The following FMN1 variants were observed in gnomAD, a reference collection of about 807,000 sequenced individuals.
FMN1 encodes the protein formin-1.
FMN1 carries 110 observed loss-of-function variants against 132.4 expected under a neutral mutation model. The observed-to-expected ratio is 0.83, with a 90% CI of 0.71 to 0.97. FMN1 has a LOEUF of 0.97. Among genes scored for constraint, FMN1 ranks in the 50% least tolerant of loss-of-function variants. The pLI, the probability that FMN1 is intolerant of heterozygous loss-of-function variation, is 0.00. For missense variants in FMN1, 1,792 were observed against 1,705.3 expected (o/e 1.05, Z -0.90); for synonymous variants, 722 against 651.7 (o/e 1.11, Z -1.64).
chr15:33,185,586 TTTTTA>T, intron 2 of FMN1, among the ~76,000 whole-genome samples: 1 of 148,794 alleles, frequency 6.7e-6, no homozygotes, highest in African/African-American at 2.5e-5. Context: ...TTTTTTTTTT[TTTTTA>T]CACAGAGTTT....
intron 13 of FMN1, 60 bp from the exon 14 acceptor site, chr15:32,900,185 A>G (rs1182343040): frequency 1.3e-6 from 2 of 1,566,130 alleles, no homozygotes; most frequent in South Asian, 1.1e-5. Flanking sequence ...ATGTTCATTC[A>G]GTAACAAATA....
At chr15:32,815,881 C>T (rs1253215913) in intron 17 of FMN1, among the ~76,000 whole-genome samples, 1 of 152,158 alleles carries the variant, frequency 6.6e-6, no homozygotes, top group Non-Finnish European at 1.5e-5. Context: ...GCCGAAGCTT[C>T]CAAGTGCTCC....
rs533699379 is a variant in FMN1, at chr15:32,783,744, C to CAAA, written c.4131-6828_4131-6826dup. ...TGGGCGACAGAGCGAGACTCTGTTT[C>CAAA]AAAAAAAAAAAAAAAAAAAAAAAAA... On this transcript the variant is annotated intron_variant, in intron 19 of 20. Coordinates refer to ENST00000616417, the MANE Select transcript of FMN1 (RefSeq NM_001277313.2). Among the ~76,000 whole-genome samples, 10 of 64,250 alleles carry CAAA rather than the reference C, an allele frequency of 1.6e-4. 3 individuals are homozygous for CAAA. The highest frequency in any genetic ancestry group is 5.7e-4 in the African/African-American group (10 of 17,408). 42.2% of individuals were successfully genotyped at this position (64,250 alleles called of 152,430 possible). A position where few individuals can be genotyped will look rare whatever the true frequency, so the allele number is the denominator to read the frequency against.
intron 3 of FMN1, among the ~76,000 whole-genome samples, chr15:33,157,579 CA>C (rs1964723936): frequency 6.6e-6 from 1 of 152,298 alleles, no homozygotes; most frequent in Non-Finnish European, 1.5e-5. Flanking sequence ...CTTCTACTAA[CA>C]AACTGGTTTT....
chr15:33,105,121 G>A lies in FMN1; in HGVS notation c.1868-16147C>T, dbSNP rs1212104746. Among the ~76,000 whole-genome samples, 4 of 151,950 alleles carry A rather than the reference G, an allele frequency of 2.6e-5. No individual in the cohort carries two copies. In the East Asian group the frequency reaches 7.7e-4, roughly 29 times the overall value. On this transcript the variant is annotated intron_variant, in intron 4 of 20. Coordinates refer to ENST00000616417, the MANE Select transcript of FMN1 (RefSeq NM_001277313.2). ...TCAAAGAGGGAATGAGCAACCAAAG[G>A]GTTAATATTAAACATTTTTTTCCCC...
chr15:33,136,880 G>T (rs1963788883), intron 4 of FMN1, among the ~76,000 whole-genome samples: 1 of 152,002 alleles, frequency 6.6e-6, no homozygotes, highest in Non-Finnish European at 1.5e-5. Flanking sequence ...CTGAGATCAG[G>T]AGTTCGAAAC....
chr15:33,046,166 A>C (rs2036674044), intron 6 of FMN1, among the ~76,000 whole-genome samples: 1 of 152,192 alleles, frequency 6.6e-6, no homozygotes, highest in Non-Finnish European at 1.5e-5. Flanking sequence ...ATTCGAATAA[A>C]AATGTCCTCA....
intron 19 of FMN1, among the ~76,000 whole-genome samples, chr15:32,793,899 T>C (rs1331810494): frequency 1.3e-5 from 2 of 152,320 alleles, no homozygotes; most frequent in East Asian, 3.9e-4. Context: ...TGGAGCTTTT[T>C]CTAGGAGTAA....
chr15:32,949,086 T>G (rs142920830), intron 9 of FMN1, among the ~76,000 whole-genome samples: 19 of 152,256 alleles, frequency 1.2e-4, no homozygotes, highest in Non-Finnish European at 7.4e-5. Flanking sequence ...TTATCAGTAT[T>G]TTTGTTTTTT....
chr15:32,780,277 T>A (rs1241192051), intron 19 of FMN1, among the ~76,000 whole-genome samples: 2 of 152,062 alleles, frequency 1.3e-5, no homozygotes, highest in Non-Finnish European at 2.9e-5. Flanking sequence ...CAGCACAAGA[T>A]ACAGGTCATA....
At chr15:33,120,081 T>G (rs894541738) in intron 4 of FMN1, among the ~76,000 whole-genome samples, 9 of 152,152 alleles carry the variant, frequency 5.9e-5, no homozygotes, top group African/African-American at 1.7e-4. Flanking sequence ...GAGGTTACAA[T>G]GTTAGTTAAA....
At chr15:32,930,013 G>C (rs1429293413) in intron 9 of FMN1, among the ~76,000 whole-genome samples, 1 of 102,590 alleles carries the variant, frequency 9.7e-6, no homozygotes, top group African/African-American at 3.9e-5. Flanking sequence ...TTTTTGAGCT[G>C]GAGTCTCGTT....
chr15:32,997,116 G>C (rs1177893893), intron 7 of FMN1, among the ~76,000 whole-genome samples: 1 of 152,152 alleles, frequency 6.6e-6, no homozygotes, highest in African/African-American at 2.4e-5. Context: ...CAAACATCAA[G>C]ATTATGGTGA....
intron 17 of FMN1, among the ~76,000 whole-genome samples, chr15:32,813,743 T>TA (rs2057965640): frequency 6.6e-6 from 1 of 152,210 alleles, no homozygotes; most frequent in Admixed American, 6.5e-5. Context: ...TTAGCCCAAC[T>TA]ATTTAATCTC....
Position 32,876,584 on chromosome 15 carries a change from T to C in FMN1, c.3835+11588A>G, listed in dbSNP as rs186394239. On this transcript the variant is annotated intron_variant, in intron 16 of 20. Coordinates refer to ENST00000616417, the MANE Select transcript of FMN1 (RefSeq NM_001277313.2). ...AGCTATATGAGAACTCTCTACTCTTTGCAACTTTTCTGCAATTTAAAAATT... is the reference window on the plus strand; with the variant it reads ...AGCTATATGAGAACTCTCTACTCTTCGCAACTTTTCTGCAATTTAAAAATT... Among the ~76,000 whole-genome samples, 12 of 152,350 alleles carry C rather than the reference T, an allele frequency of 7.9e-5. No homozygotes were observed. In the East Asian group the frequency reaches 2.1e-3, roughly 27 times the overall value.
intron 6 of FMN1, among the ~76,000 whole-genome samples, chr15:33,044,124 C>T (rs948381862): frequency 1.3e-5 from 2 of 152,234 alleles, no homozygotes; most frequent in Non-Finnish European, 2.9e-5. Context: ...CATGCCAGCC[C>T]CCTGGGGCCT....
At chr15:33,111,290 C>T (rs1300994293) in intron 4 of FMN1, among the ~76,000 whole-genome samples, 1 of 152,132 alleles carries the variant, frequency 6.6e-6, no homozygotes, top group Non-Finnish European at 1.5e-5. Flanking sequence ...GATACCACTT[C>T]ACTGGGATGG....
chr15:33,105,185 T>G (rs535170808), intron 4 of FMN1, among the ~76,000 whole-genome samples: 6 of 152,100 alleles, frequency 3.9e-5, no homozygotes, highest in Non-Finnish European at 8.8e-5. Context: ...CTCTGTGCTC[T>G]GGATGTTTCA....
chr15:32,888,988 G>GAACT (rs1422250197), intron 15 of FMN1, among the ~76,000 whole-genome samples: 1 of 151,498 alleles, frequency 6.6e-6, no homozygotes, highest in Non-Finnish European at 1.5e-5. Context: ...CCTATTAGCT[G>GAACT]GGACCACAGG....
Sources: gnomAD v4.1 joint callset for allele counts (sites outside exome capture counted in the v4.1 genomes callset) on GRCh38, gnomAD v4.1.1 for gene constraint, MANE v1.5 for transcripts, NCBI Gene and HGNC (gene_info 2026-07-23, HGNC 2026-07-21) for gene names.